The following MYT1L variants were observed in gnomAD, a reference collection of about 807,000 sequenced individuals.
The protein encoded by MYT1L is myelin transcription factor 1 like, also known as myelin transcription factor 1-like protein.
MYT1L carries 12 observed loss-of-function variants against 126.7 expected under a neutral mutation model. That is an observed-to-expected ratio of 0.09 (90% CI 0.06 to 0.15). The LOEUF (loss-of-function observed/expected upper bound fraction) is 0.15, where lower values mean the gene tolerates loss of function less well. Ranked by LOEUF, MYT1L falls within the 10% of genes least tolerant of loss-of-function variation. The pLI, the probability that MYT1L is intolerant of heterozygous loss-of-function variation, is 1.00. For synonymous variants in MYT1L, 541 were observed against 604.2 expected, an observed-to-expected ratio of 0.90 and a Z score of 1.53; for missense variants, 979 against 1,585.2, an observed-to-expected ratio of 0.62 and a Z score of 6.49.
At chr2:2,230,658 A>G (rs1262303784) in intron 2 of MYT1L, among the ~76,000 whole-genome samples, 1 of 152,192 alleles carries the variant, frequency 6.6e-6, no homozygotes, top group African/African-American at 2.4e-5. Context: ...TAGCAGCAGC[A>G]TCTGGGCTGT....
At chr2:2,090,324 A>G (rs2076786630) in intron 3 of MYT1L, among the ~76,000 whole-genome samples, 2 of 152,246 alleles carry the variant, frequency 1.3e-5, no homozygotes, top group Non-Finnish European at 2.9e-5. Flanking sequence ...ACGGTAATAA[A>G]GGAAGCTACA....
At chr2:2,280,697 G>A (rs952090856) in intron 2 of MYT1L, among the ~76,000 whole-genome samples, 6 of 152,180 alleles carry the variant, frequency 3.9e-5, no homozygotes, top group East Asian at 1.9e-4. Flanking sequence ...GGCCACGCGC[G>A]TGCAGCATTG....
intron 2 of MYT1L, among the ~76,000 whole-genome samples, chr2:2,241,601 GTTTC>G (rs2094442036): frequency 6.6e-6 from 1 of 152,124 alleles, no homozygotes; most frequent in South Asian, 2.1e-4. Context: ...ATCCAAATGC[GTTTC>G]TTTCTTATAT....
chr2:2,256,532 C>A (rs2094818324), intron 2 of MYT1L, among the ~76,000 whole-genome samples: 1 of 152,172 alleles, frequency 6.6e-6, no homozygotes, highest in East Asian at 1.9e-4. Context: ...TTACTATCTG[C>A]CTTTTAAGGA....
At chr2:1,968,552 T>C (rs2059563257) in intron 8 of MYT1L, among the ~76,000 whole-genome samples, 1 of 152,138 alleles carries the variant, frequency 6.6e-6, no homozygotes, top group Non-Finnish European at 1.5e-5. Flanking sequence ...GAACGGATCT[T>C]TTAAAATCTG....
intron 3 of MYT1L, among the ~76,000 whole-genome samples, chr2:2,079,820 A>AAAAG (rs752684914): frequency 6.6e-6 from 1 of 152,132 alleles, no homozygotes; most frequent in Non-Finnish European, 1.5e-5. Context: ...TCAAAAAAAA[A>AAAAG]AAAGAAAGAA....
intron 3 of MYT1L, among the ~76,000 whole-genome samples, chr2:2,136,364 G>A (rs189308621): frequency 4.5e-4 from 69 of 152,252 alleles, no homozygotes; most frequent in Non-Finnish European, 8.1e-4. Context: ...GCTCCTCACC[G>A]ACAAGATCAG....
intron 8 of MYT1L, among the ~76,000 whole-genome samples, chr2:1,970,799 C>G (rs900552031): frequency 6.6e-6 from 1 of 152,298 alleles, no homozygotes; most frequent in African/African-American, 2.4e-5. Flanking sequence ...CTGTACTGCA[C>G]GCAAATTTCT....
intron 3 of MYT1L, among the ~76,000 whole-genome samples, chr2:2,085,356 T>C (rs185872977): frequency 6.6e-6 from 1 of 152,240 alleles, no homozygotes. Flanking sequence ...ATTTCCATCT[T>C]GTGTGTGTTC....
At position 2,111,886 on chromosome 2, in the gene MYT1L, G is replaced by A. The variant is rs552398034; in HGVS notation, c.-303-57763C>T. ...TCCTCCATTGGCTGCCATGGTGGGC[G>A]TTGCCCCCGGGCAGTATATCATTCA... On this transcript the variant is annotated intron_variant, in intron 3 of 24. Coordinates refer to ENST00000647738, the MANE Select transcript of MYT1L (RefSeq NM_001303052.2). Among the ~76,000 whole-genome samples, 48 of 152,344 alleles carry A rather than the reference G, an allele frequency of 3.2e-4. 1 individual carries two copies. Among genetic ancestry groups the A allele is most frequent in the African/African-American group, 1.1e-3 (45 of 41,586 alleles).
At chr2:1,827,375 G>A (rs1362771911) in intron 21 of MYT1L, 1 of 152,202 alleles carries the variant, frequency 6.6e-6, no homozygotes, top group African/African-American at 2.4e-5. Flanking sequence ...AACAAGGTAT[G>A]CCATTGAAAC....
chr2:2,300,714 G>A (rs573335514), intron 1 of MYT1L, among the ~76,000 whole-genome samples: 4 of 152,252 alleles, frequency 2.6e-5, no homozygotes, highest in East Asian at 1.9e-4. Flanking sequence ...GGAAGTGGAC[G>A]TTCTCAAATC....
At chr2:1,965,777 C>T (rs891770050) in intron 8 of MYT1L, among the ~76,000 whole-genome samples, 10 of 152,312 alleles carry the variant, frequency 6.6e-5, no homozygotes, top group Admixed American at 2.6e-4. Context: ...TCAGGAGAGC[C>T]GGACAGGGGG....
At chr2:1,927,293 A>G (rs148638569) in intron 9 of MYT1L, among the ~76,000 whole-genome samples, 182 of 152,304 alleles carry the variant, frequency 1.2e-3, no homozygotes, top group African/African-American at 4.2e-3. Context: ...TGCATTACAC[A>G]TGAGATTTCA....
intron 21 of MYT1L, among the ~76,000 whole-genome samples, chr2:1,814,766 T>A (rs909644428): frequency 4.6e-5 from 7 of 152,272 alleles, no homozygotes; most frequent in Admixed American, 4.6e-4. Context: ...TGCAGAATGG[T>A]AGGTGCAGGC....
chr2:1,842,886 T>TA (rs2041963449), intron 19 of MYT1L: 1 of 166,238 alleles, frequency 6.0e-6, no homozygotes, highest in East Asian at 1.8e-4. Flanking sequence ...TCCAGGCGCT[T>TA]CCGCTTCCAG....
chr2:1,815,915 G>A (rs887553515), intron 21 of MYT1L, among the ~76,000 whole-genome samples: 63 of 152,242 alleles, frequency 4.1e-4, no homozygotes, highest in African/African-American at 1.5e-3. Flanking sequence ...GCACCGCCCC[G>A]AGAAACTCCG....
intron 15 of MYT1L, 52 bp downstream of exon 15, chr2:1,891,984 CG>C: frequency 2.1e-6 from 3 of 1,455,596 alleles, no homozygotes; most frequent in Non-Finnish European, 1.8e-6. Flanking sequence ...GCTGGGTCCG[CG>C]GCCCGGCCTC....
chr2:2,122,670 A>T (rs1310477453), intron 3 of MYT1L, among the ~76,000 whole-genome samples: 1 of 152,146 alleles, frequency 6.6e-6, no homozygotes, highest in East Asian at 1.9e-4. Flanking sequence ...GGCAAAATTT[A>T]CCAATGTGTA....
Sources: allele counts gnomAD v4.1 joint callset (sites outside exome capture counted in the v4.1 genomes callset), GRCh38; gene constraint gnomAD v4.1.1; transcripts MANE v1.5; gene names NCBI Gene and HGNC (gene_info 2026-07-23, HGNC 2026-07-21).